Variants in DDAH1 observed in about 807,000 individuals in gnomAD.
DDAH1 encodes N(G),N(G)-dimethylarginine dimethylaminohydrolase 1.
DDAH1 carries 19 observed loss-of-function variants against 28.8 expected under a neutral mutation model. The observed-to-expected ratio is 0.66, with a 90% confidence interval of 0.46 to 0.97. DDAH1 has a LOEUF of 0.97. DDAH1 is among the 50% of genes least tolerant of loss of function. DDAH1 has a pLI of 0.00. For synonymous variants in DDAH1, 153 were observed against 154.4 expected (o/e 0.99, Z 0.07); for missense variants, 326 against 375.9 (o/e 0.87, Z 1.10).
At chr1:85,409,156 C>CTATTGTTAG (rs1652532780) in intron 1 of DDAH1, among the ~76,000 whole-genome samples, 1 of 152,100 alleles carries the variant, frequency 6.6e-6, no homozygotes, top group Admixed American at 6.5e-5. Context: ...AGCTCACCAG[C>CTATTGTTAG]TATTGTTAGT....
intron 1 of DDAH1, among the ~76,000 whole-genome samples, chr1:85,411,083 G>C (rs746468894): frequency 6.6e-6 from 1 of 152,156 alleles, no homozygotes; most frequent in Non-Finnish European, 1.5e-5. Flanking sequence ...CACTGACTGA[G>C]TGTCTTGGCG....
chr1:85,342,908 G>C (rs1428579164), intron 4 of DDAH1, among the ~76,000 whole-genome samples: 1 of 152,184 alleles, frequency 6.6e-6, no homozygotes, highest in African/African-American at 2.4e-5. Flanking sequence ...ATAAACCCAG[G>C]GTAGTATGTT....
At chr1:85,519,011 T>C (rs1204337715) in intron 1 of DDAH1, among the ~76,000 whole-genome samples, 4 of 151,070 alleles carry the variant, frequency 2.6e-5, no homozygotes, top group Admixed American at 2.0e-4. Flanking sequence ...AAGTTATAAC[T>C]GCAAAGTAAG....
At chr1:85,340,610 C>G (rs1648413909) in intron 4 of DDAH1, among the ~76,000 whole-genome samples, 1 of 152,186 alleles carries the variant, frequency 6.6e-6, no homozygotes, top group Non-Finnish European at 1.5e-5. Context: ...CTTTCCTAGT[C>G]CAGATCCTCC....
intron 1 of DDAH1, among the ~76,000 whole-genome samples, chr1:85,430,991 C>CA (rs777486894): frequency 1.4e-4 from 22 of 152,246 alleles, no homozygotes; most frequent in Middle Eastern, 3.4e-3. Context: ...GGAATGCTTC[C>CA]AGCTTTTACC....
chr1:85,420,755 C>T (rs563185454), intron 1 of DDAH1, among the ~76,000 whole-genome samples: 19 of 152,196 alleles, frequency 1.2e-4, no homozygotes, highest in Non-Finnish European at 2.5e-4. Flanking sequence ...CACACTCTTC[C>T]AACCTCTGCC....
At chr1:85,507,423 A>T (rs1343612921) in intron 1 of DDAH1, among the ~76,000 whole-genome samples, 1 of 152,046 alleles carries the variant, frequency 6.6e-6, no homozygotes, top group African/African-American at 2.4e-5. Flanking sequence ...GGACTGCTTG[A>T]GCCCAGGAGG....
intron 1 of DDAH1, 110 bp from the exon 2 acceptor site, chr1:85,358,957 ATC>A: frequency 1.5e-6 from 1 of 688,696 alleles, no homozygotes; most frequent in South Asian, 1.8e-5. Context: ...ACCCACACAC[ATC>A]CACACTCATA....
rs990389345 is a variant in DDAH1 at position 85,319,523 on chromosome 1, G to A, written c.*1929C>T. 3 of 152,186 alleles carry A rather than the reference G, an allele frequency of 2.0e-5. No individual in the cohort carries two copies. Among genetic ancestry groups the A allele is most frequent in the African/African-American group, 4.8e-5 (2 of 41,462 alleles). The allele number at this position is 152,186 out of a possible 1,614,324, so 9.4% of individuals were successfully genotyped here. A position where few individuals can be genotyped will look rare whatever the true frequency, so the allele number is the denominator to read the frequency against. On this transcript the variant is annotated 3_prime_UTR_variant, in exon 6 of 6. Coordinates refer to ENST00000284031, the MANE Select transcript of DDAH1 (RefSeq NM_012137.4). ...ATTTGAGATGTTGAGCTCTCACAGG[G>A]AGAATTTTTGCTTTTGCCAAGGAAG...
intron 1 of DDAH1, among the ~76,000 whole-genome samples, chr1:85,460,114 T>G (rs1655061152): frequency 2.0e-5 from 3 of 152,220 alleles, no homozygotes; most frequent in Admixed American, 2.0e-4. Flanking sequence ...GGGTTAATAA[T>G]ACCACCTTTT....
At chr1:85,576,267 A>C (rs942935374) in intron 1 of DDAH1, among the ~76,000 whole-genome samples, 73 of 152,126 alleles carry the variant, frequency 4.8e-4, no homozygotes, top group African/African-American at 1.7e-3. Context: ...TTGGCCCTGA[A>C]AGGAGCTGCT....
intron 2 of DDAH1, among the ~76,000 whole-genome samples, chr1:85,491,803 A>G (rs890431616): frequency 1.3e-5 from 2 of 152,118 alleles, no homozygotes; most frequent in Admixed American, 6.6e-5. Context: ...TTGCTTGTGT[A>G]CTTTGTACTC....
chr1:85,359,622 A>G (rs939076217), intron 1 of DDAH1, among the ~76,000 whole-genome samples: 2 of 152,234 alleles, frequency 1.3e-5, no homozygotes, highest in African/African-American at 4.8e-5. Context: ...AATATTTTGT[A>G]AAATGTCAAA....
In DDAH1 at chr1:85,519,088, CTTTTTTTTTTTT is replaced by C. The variant is rs71075842; in HGVS notation, c.-122-22819_-122-22808del. Among the ~76,000 whole-genome samples the C allele has an allele frequency of 8.7e-5, 6 of 69,134 alleles. No homozygotes were observed. In the East Asian group the frequency reaches 1.9e-3, roughly 22 times the overall value. The allele number at this position is 69,134 out of a possible 152,430, so 45.4% of individuals were successfully genotyped here. On this transcript the variant is annotated intron_variant, in intron 1 of 6. Coordinates refer to the DDAH1 transcript ENST00000426972. ...CAAGAAGAAACGAGGAAAGACGGAT[CTTTTTTTTTTTT>C]TTTTTTTTTTTGAGACGGAGTCTTG... is the stretch of plus-strand genomic sequence containing the variant.
intron 4 of DDAH1, among the ~76,000 whole-genome samples, chr1:85,344,821 T>C (rs1648739949): frequency 6.6e-6 from 1 of 152,040 alleles, no homozygotes; most frequent in Admixed American, 6.5e-5. Flanking sequence ...CAAGGTGAGA[T>C]GTGGTATAGA....
chr1:85,551,935 C>G (rs141185170), intron 1 of DDAH1, among the ~76,000 whole-genome samples: 3 of 152,266 alleles, frequency 2.0e-5, no homozygotes, highest in East Asian at 1.9e-4. Flanking sequence ...TCTGGGCCCT[C>G]TTAGCTAGGG....
intron 2 of DDAH1, chr1:85,493,744 A>G (rs1656483756): frequency 1.3e-5 from 2 of 152,190 alleles, no homozygotes; most frequent in South Asian, 2.1e-4. Context: ...GCCTTTCACA[A>G]CATTGCTTTT....
At chr1:85,480,675 A>G (rs1167548954) in intron 2 of DDAH1, among the ~76,000 whole-genome samples, 1 of 152,090 alleles carries the variant, frequency 6.6e-6, no homozygotes, top group African/African-American at 2.4e-5. Context: ...AATTGGGGAG[A>G]TGGAAGTTGA....
chr1:85,497,038 A>T (rs1218518606), intron 1 of DDAH1, among the ~76,000 whole-genome samples: 2 of 152,350 alleles, frequency 1.3e-5, no homozygotes, highest in East Asian at 3.9e-4. Flanking sequence ...ACAGAAAAAA[A>T]TAATTCTTAT....
Sources: gnomAD v4.1 joint callset for allele counts (sites outside exome capture counted in the v4.1 genomes callset) on GRCh38, gnomAD v4.1.1 for gene constraint, MANE v1.5 for transcripts, NCBI Gene and HGNC (gene_info 2026-07-23, HGNC 2026-07-21) for gene names.